VPS13B: variants seen among roughly 807,000 people sequenced by gnomAD.
VPS13B encodes the protein intermembrane lipid transfer protein VPS13B.
A neutral mutation model predicts 426.4 loss-of-function variants in VPS13B; 285 were observed. The ratio of observed to expected loss-of-function variants is 0.67; its 90% CI spans 0.61 to 0.74. VPS13B has a LOEUF of 0.74. VPS13B is among the 30% of genes least tolerant of loss of function. The probability of loss-of-function intolerance (pLI) is 0.00; values close to 1 mark genes in which losing one functional copy is unlikely to be tolerated. For synonymous variants in VPS13B, 1,676 were observed against 1,676.4 expected (o/e 1.00, Z 0.01); for missense variants, 4,537 against 4,782.6 (o/e 0.95, Z 1.51).
At chr8:99,539,485 C>A (rs1332138278) in intron 30 of VPS13B, among the ~76,000 whole-genome samples, 2 of 152,100 alleles carry the variant, frequency 1.3e-5, no homozygotes, top group African/African-American at 4.8e-5. Flanking sequence ...ATGGCTCATG[C>A]CTGTAATTCC....
intron 37 of VPS13B, among the ~76,000 whole-genome samples, chr8:99,718,083 T>G (rs1832993298): frequency 6.6e-6 from 1 of 151,552 alleles, no homozygotes; most frequent in East Asian, 1.9e-4. Context: ...TTTTTATGGG[T>G]AGACTTTTCT....
At chr8:99,552,727 T>C (rs982716239) in intron 30 of VPS13B, among the ~76,000 whole-genome samples, 1 of 152,102 alleles carries the variant, frequency 6.6e-6, no homozygotes, top group Non-Finnish European at 1.5e-5. Context: ...CAAAAAATAT[T>C]TGGAGAAGTC....
At chr8:99,143,305 A>ATTC in intron 13 of VPS13B, 140 bp downstream of exon 13, 1 of 1,025,310 alleles carries the variant, frequency 9.8e-7, no homozygotes, top group Non-Finnish European at 1.5e-6. Flanking sequence ...GTAGCTGTTT[A>ATTC]TTTAAAGAAT....
At position 99,035,222 on chromosome 8, in the gene VPS13B, A is replaced by G. The variant is rs1842689745; in HGVS notation, c.148-3201A>G. Reference sequence around the variant, plus strand: ...CCATCTTAAGCACTTTTAAGTGTATACTATATTACTATTAATTATATGCAC... The same window carrying G: ...CCATCTTAAGCACTTTTAAGTGTATGCTATATTACTATTAATTATATGCAC... On this transcript the variant is annotated intron_variant, in intron 2 of 61. Coordinates refer to ENST00000357162, the MANE Select transcript of VPS13B (RefSeq NM_152564.5). Among the ~76,000 whole-genome samples the G allele has an allele frequency of 2.0e-5, 3 of 152,118 alleles. No individual in the cohort carries two copies. The South Asian group carries it at 6.2e-4, about 32-fold the overall frequency.
intron 40 of VPS13B, among the ~76,000 whole-genome samples, chr8:99,776,525 G>A (rs1213443612): frequency 6.6e-6 from 1 of 152,154 alleles, no homozygotes; most frequent in Admixed American, 6.5e-5. Context: ...GAACTCCTGA[G>A]CTGAAGTGAT....
chr8:99,181,021 T>TGGG (rs1428747141), intron 16 of VPS13B, among the ~76,000 whole-genome samples: 1 of 152,224 alleles, frequency 6.6e-6, no homozygotes, highest in African/African-American at 2.4e-5. Context: ...CATCAAAATC[T>TGGG]GTAAGCATGA....
chr8:99,799,620 C>T (rs1003452352), intron 43 of VPS13B, among the ~76,000 whole-genome samples: 2 of 152,010 alleles, frequency 1.3e-5, no homozygotes, highest in African/African-American at 4.8e-5. Context: ...CTTCTTTTTT[C>T]TAATTAAAAA....
At chr8:99,084,412 A>T (rs1183882292) in intron 3 of VPS13B, among the ~76,000 whole-genome samples, 7 of 152,006 alleles carry the variant, frequency 4.6e-5, no homozygotes, top group Non-Finnish European at 8.8e-5. Context: ...CAGCTCCTGG[A>T]TTCTTTAATT....
Position 99,318,075 on chromosome 8 carries a change from G to C in VPS13B, c.2824+42821G>C, listed in dbSNP as rs1469818011. ...AGTAGTTTTCAAACTCAGATATTAA[G>C]TTTATGCCATTGTGTTCTTGCCCTA... On this transcript the variant is annotated intron_variant, in intron 19 of 61. Coordinates refer to ENST00000357162, the MANE Select transcript of VPS13B (RefSeq NM_152564.5). 2.0e-5 allele frequency among the ~76,000 whole-genome samples: 3 copies of C among 152,128 alleles called. No individual in the cohort carries two copies. The East Asian group carries it at 5.8e-4, about 29-fold the overall frequency.
At chr8:99,055,111 C>T (rs755917686) in intron 3 of VPS13B, among the ~76,000 whole-genome samples, 32 of 150,686 alleles carry the variant, frequency 2.1e-4, no homozygotes, top group Non-Finnish European at 3.5e-4. Flanking sequence ...GATCTCAGCT[C>T]GCTATATAAC....
At chr8:99,565,770 G>T (rs978273927) in intron 31 of VPS13B, among the ~76,000 whole-genome samples, 4 of 152,190 alleles carry the variant, frequency 2.6e-5, no homozygotes, top group African/African-American at 9.6e-5. Context: ...TTTTCAACCT[G>T]AAAAACATCA....
Position 99,275,337 on chromosome 8 carries a change from T to TA in VPS13B, c.2824+83_2824+84insA, listed in dbSNP as rs1563641886. ...AAAGGCTTTTAAAATTGGTATATATTTTTTTTTTTTTAGGTATTTTTGTCA... is the reference window on the plus strand; with the variant it reads ...AAAGGCTTTTAAAATTGGTATATATTATTTTTTTTTTTAGGTATTTTTGTCA... On this transcript the variant is annotated intron_variant, in intron 19 of 61. Transcript: ENST00000357162. 8.8e-6 allele frequency: 10 copies of TA among 1,133,258 alleles called. No individual in the cohort carries two copies. In the East Asian group the frequency reaches 1.2e-4, roughly 14 times the overall value. 70.2% of individuals were successfully genotyped at this position (1,133,258 alleles called of 1,614,324 possible).
At chr8:99,087,501 C>T (rs1487759073) in intron 3 of VPS13B, among the ~76,000 whole-genome samples, 1 of 152,016 alleles carries the variant, frequency 6.6e-6, no homozygotes, top group African/African-American at 2.4e-5. Flanking sequence ...TGAGATGAAC[C>T]CGGTACCTCA....
At chr8:99,413,030 T>C (rs1197247175) in intron 21 of VPS13B, among the ~76,000 whole-genome samples, 1 of 152,202 alleles carries the variant, frequency 6.6e-6, no homozygotes, top group Admixed American at 6.5e-5. Context: ...CTTTTTTTGT[T>C]GTGTCTCTGT....
At chr8:99,316,620 G>A (rs1018852117) in intron 19 of VPS13B, among the ~76,000 whole-genome samples, 1 of 152,168 alleles carries the variant, frequency 6.6e-6, no homozygotes, top group African/African-American at 2.4e-5. Flanking sequence ...TCATTGGGAT[G>A]CCTCTCCAGG....
At chr8:99,712,199 T>C (rs1832732658) in intron 36 of VPS13B, among the ~76,000 whole-genome samples, 1 of 152,224 alleles carries the variant, frequency 6.6e-6, no homozygotes, top group African/African-American at 2.4e-5. Flanking sequence ...TCCAAACCAG[T>C]GTTGTCCTGA....
In VPS13B at chr8:99,275,212, A is replaced by G. The variant is rs1321518034; in HGVS notation, c.2782A>G (p.Thr928Ala). The G allele has an allele frequency of 2.5e-6, 4 of 1,612,774 alleles. No homozygotes were observed. The Admixed American group carries it at 6.7e-5, about 27-fold the overall frequency. Residue 928 changes from threonine (T) to alanine (A), a missense_variant, in exon 19 of 62, where the codon ACA becomes GCA. Coordinates refer to ENST00000357162, the MANE Select transcript of VPS13B (RefSeq NM_152564.5). The stretch of plus-strand genomic sequence containing the variant: ...CTTAGCTCCAGATTTGATGGCCTTC[A>G]CAATCCAAGTTCCACAATATATTGA... ...SLLAPDLMAF[T>A]IQVPQYIDYC...
At chr8:99,676,178 TCAAAG>T (rs1830925899) in intron 35 of VPS13B, among the ~76,000 whole-genome samples, 1 of 151,980 alleles carries the variant, frequency 6.6e-6, no homozygotes, top group Non-Finnish European at 1.5e-5. Context: ...GCCACAGCCA[TCAAAG>T]CTCTAGAGGG....
At chr8:99,174,845 T>C (rs574068819) in intron 16 of VPS13B, among the ~76,000 whole-genome samples, 1 of 152,286 alleles carries the variant, frequency 6.6e-6, no homozygotes, top group African/African-American at 2.4e-5. Context: ...CCATGTAGAT[T>C]GTCTTTTAAA....
Sources: gnomAD v4.1 joint callset for allele counts (sites outside exome capture counted in the v4.1 genomes callset) on GRCh38, gnomAD v4.1.1 for gene constraint, MANE v1.5 for transcripts, NCBI Gene and HGNC (gene_info 2026-07-23, HGNC 2026-07-21) for gene names.